Variants in IQGAP2 observed in about 807,000 individuals in gnomAD.
IQGAP2 encodes IQ motif containing GTPase activating protein 2, also known as ras GTPase-activating-like protein IQGAP2.
Under a neutral mutation model 201.3 loss-of-function variants are expected in IQGAP2, and 173 were observed. The ratio of observed to expected loss-of-function variants is 0.86; its 90% CI spans 0.76 to 0.98. The LOEUF is 0.98. IQGAP2 is among the 50% of genes least tolerant of loss of function. The pLI is 0.00. For missense variants in IQGAP2, 1,687 were observed against 1,864.8 expected (o/e 0.90, Z 1.76); for synonymous variants, 675 against 673.9 (o/e 1.00, Z -0.03).
At chr5:76,523,004 C>G (rs10037956) in intron 2 of IQGAP2, among the ~76,000 whole-genome samples, 32,680 of 150,602 alleles carry the variant, frequency 0.22, 5,176 homozygotes, top group East Asian at 0.9. Flanking sequence ...TGTAAAAGAT[C>G]TTAACCTCAG....
At chr5:76,468,569 G>A (rs1253149860) in intron 2 of IQGAP2, among the ~76,000 whole-genome samples, 1 of 152,168 alleles carries the variant, frequency 6.6e-6, no homozygotes, top group Non-Finnish European at 1.5e-5. Flanking sequence ...TGAGACTACT[G>A]TAGTGGTCCT....
At chr5:76,536,669 A>T (rs902568675) in intron 2 of IQGAP2, among the ~76,000 whole-genome samples, 1 of 151,894 alleles carries the variant, frequency 6.6e-6, no homozygotes, top group East Asian at 2.0e-4. Context: ...TGAGGCAGGG[A>T]GAATCACCTG....
chr5:76,424,518 G>A (rs549445530), intron 1 of IQGAP2, among the ~76,000 whole-genome samples: 26 of 152,270 alleles, frequency 1.7e-4, no homozygotes, highest in African/African-American at 5.5e-4. Flanking sequence ...TGTTGGTCAG[G>A]CTGGTCTCGA....
At chr5:76,448,685 T>C (rs1413760539) in intron 1 of IQGAP2, among the ~76,000 whole-genome samples, 2 of 152,152 alleles carry the variant, frequency 1.3e-5, no homozygotes, top group African/African-American at 2.4e-5. Flanking sequence ...TGAGAGCCAT[T>C]ATCTTTAATC....
chr5:76,589,559 C>A, intron 6 of IQGAP2, 56 bp from the exon 7 acceptor site: 1 of 929,744 alleles, frequency 1.1e-6, no homozygotes, highest in Non-Finnish European at 1.6e-6. Flanking sequence ...TTCCTGCATC[C>A]ATCTCTGTCT....
At chr5:76,700,198 T>A (rs946944917) in intron 33 of IQGAP2, among the ~76,000 whole-genome samples, 1 of 152,096 alleles carries the variant, frequency 6.6e-6, no homozygotes, top group Admixed American at 6.6e-5. Flanking sequence ...GTCGGGCGAA[T>A]TGGATTTGGG....
intron 2 of IQGAP2, among the ~76,000 whole-genome samples, chr5:76,498,007 A>G (rs1221491089): frequency 6.6e-6 from 1 of 152,202 alleles, no homozygotes; most frequent in East Asian, 1.9e-4. Flanking sequence ...TTTCTGGCTC[A>G]CTGAAAAAAC....
At chr5:76,677,173 T>C (rs774505018) in intron 27 of IQGAP2, 45 bp from the exon 28 acceptor site, 2 of 1,576,852 alleles carry the variant, frequency 1.3e-6, no homozygotes, top group Admixed American at 1.8e-5. Flanking sequence ...AACTGTTTAA[T>C]GCACATGTTT....
chr5:76,419,228 C>T (rs1457713743), intron 1 of IQGAP2, among the ~76,000 whole-genome samples: 1 of 152,116 alleles, frequency 6.6e-6, no homozygotes, highest in East Asian at 1.9e-4. Flanking sequence ...GCCTCAAACT[C>T]CTGGGCTCAA....
intron 14 of IQGAP2, among the ~76,000 whole-genome samples, chr5:76,630,602 T>C (rs758413204): frequency 9.2e-5 from 14 of 152,130 alleles, no homozygotes; most frequent in Non-Finnish European, 1.6e-4. Flanking sequence ...TTAAGGAAAA[T>C]TGCATTTTAT....
chr5:76,552,603 A>G (rs886139863), intron 2 of IQGAP2, among the ~76,000 whole-genome samples: 1 of 152,222 alleles, frequency 6.6e-6, no homozygotes, highest in African/African-American at 2.4e-5. Context: ...AAACACAAAA[A>G]TGCAATTCAG....
Position 76,584,458 on chromosome 5 carries a change from A to G in IQGAP2, c.459-4448A>G, listed in dbSNP as rs142393776. Among the ~76,000 whole-genome samples the G allele has an allele frequency of 1.2e-3, 176 of 152,284 alleles. 1 individual carries two copies. The highest frequency in any genetic ancestry group is 3.9e-3 in the African/African-American group (164 of 41,552). ...ACTGGGAGAAGATCACAGCCCACAA[A>G]ACGCTGGGGGTTGCAGCAGAGGTAG... is the stretch of plus-strand genomic sequence containing the variant. On this transcript the variant is annotated intron_variant, in intron 5 of 35. Coordinates refer to ENST00000274364, the MANE Select transcript of IQGAP2 (RefSeq NM_006633.5).
At chr5:76,618,187 A>G (rs1749197123) in intron 13 of IQGAP2, 1 of 1,614,102 alleles carries the variant, frequency 6.2e-7, no homozygotes, top group Admixed American at 1.7e-5. Flanking sequence ...ATGTTGCCAT[A>G]GAAGATGACT....
Position 76,597,308 on chromosome 5 carries a change from T to C in IQGAP2, c.908-131T>C, listed in dbSNP as rs115777657. On this transcript the variant is annotated intron_variant, in intron 9 of 35. Coordinates refer to ENST00000274364, the MANE Select transcript of IQGAP2 (RefSeq NM_006633.5). ...AACATTTTCAAAGCCTTACCTACCC[T>C]CTGCCTGCAGCTTTTCAGAGTTCAT... The C allele has an allele frequency of 7.6e-4, 634 of 833,236 alleles. 4 individuals carry two copies. The African/African-American group carries it at 9.7e-3, about 13-fold the overall frequency. The allele number at this position is 833,236 out of a possible 1,614,324, so 51.6% of individuals were successfully genotyped here. A position where few individuals can be genotyped will look rare whatever the true frequency, so the allele number is the denominator to read the frequency against.
At chr5:76,462,832 C>T (rs1754543545) in intron 2 of IQGAP2, among the ~76,000 whole-genome samples, 1 of 152,074 alleles carries the variant, frequency 6.6e-6, no homozygotes, top group African/African-American at 2.4e-5. Context: ...TTTCTTTAGG[C>T]TCTAAAAACC....
intron 2 of IQGAP2, among the ~76,000 whole-genome samples, chr5:76,530,276 C>CTG (rs1477415771): frequency 2.0e-5 from 3 of 152,054 alleles, no homozygotes; most frequent in African/African-American, 7.3e-5. Flanking sequence ...TATCCTTGAC[C>CTG]CACAGGCTGT....
intron 1 of IQGAP2, among the ~76,000 whole-genome samples, chr5:76,417,399 C>T (rs1459807387): frequency 6.6e-6 from 1 of 152,116 alleles, no homozygotes; most frequent in African/African-American, 2.4e-5. Flanking sequence ...AAGTGATTCT[C>T]CTGCCTCAGC....
At chr5:76,473,411 G>C (rs1212300010) in intron 2 of IQGAP2, among the ~76,000 whole-genome samples, 4 of 151,960 alleles carry the variant, frequency 2.6e-5, no homozygotes, top group Admixed American at 2.6e-4. Flanking sequence ...TTTGTTCTGG[G>C]AATAATTTAT....
chr5:76,550,880 CG>C (rs1266256361), intron 2 of IQGAP2, among the ~76,000 whole-genome samples: 2 of 152,202 alleles, frequency 1.3e-5, no homozygotes, highest in Non-Finnish European at 2.9e-5. Flanking sequence ...ACCTCCTAGA[CG>C]GGGTGGCGGC....
Sources: gnomAD v4.1 joint callset for allele counts (sites outside exome capture counted in the v4.1 genomes callset) on GRCh38, gnomAD v4.1.1 for gene constraint, MANE v1.5 for transcripts, NCBI Gene and HGNC (gene_info 2026-07-23, HGNC 2026-07-21) for gene names.